KCNQ5: variants seen among roughly 807,000 people sequenced by gnomAD.
KCNQ5 encodes potassium voltage-gated channel subfamily KQT member 5.
Under a neutral mutation model 98.2 loss-of-function variants are expected in KCNQ5, and 30 were observed. The ratio of observed to expected loss-of-function variants is 0.31; its 90% confidence interval spans 0.23 to 0.41. The LOEUF (loss-of-function observed/expected upper bound fraction) is 0.41. KCNQ5 is among the 10% of genes least tolerant of loss of function. The probability of loss-of-function intolerance (pLI) is 1.00; values close to 1 mark genes in which losing one functional copy is unlikely to be tolerated. For missense variants in KCNQ5, 835 were observed against 1,182.5 expected (o/e 0.71, Z 4.31); for synonymous variants, 458 against 449.4 (o/e 1.02, Z -0.24).
intron 1 of KCNQ5, among the ~76,000 whole-genome samples, chr6:72,670,491 T>A (rs1341935914): frequency 6.6e-6 from 1 of 152,188 alleles, no homozygotes; most frequent in East Asian, 1.9e-4. Context: ...TTTTAGGTAC[T>A]TTTTTACAGC....
At chr6:72,871,488 C>T (rs1166335886) in intron 1 of KCNQ5, among the ~76,000 whole-genome samples, 8 of 152,080 alleles carry the variant, frequency 5.3e-5, no homozygotes, top group Non-Finnish European at 1.2e-4. Flanking sequence ...AATAAACAAA[C>T]GTGCTTTGGA....
chr6:72,655,037 T>C (rs9359001), intron 1 of KCNQ5, among the ~76,000 whole-genome samples: 9,048 of 125,874 alleles, frequency 0.072, 543 homozygotes, highest in African/African-American at 0.14. Flanking sequence ...TCTTTCTTTC[T>C]TTCTTTCTTT....
intron 10 of KCNQ5, among the ~76,000 whole-genome samples, chr6:73,139,429 T>G (rs1300531825): frequency 1.3e-5 from 2 of 152,200 alleles, no homozygotes; most frequent in African/African-American, 4.8e-5. Context: ...CAACTTTCCA[T>G]AGTATAATAT....
At chr6:72,937,039 A>C (rs1765956869) in intron 1 of KCNQ5, among the ~76,000 whole-genome samples, 1 of 152,246 alleles carries the variant, frequency 6.6e-6, no homozygotes. Context: ...GAGTACAAAC[A>C]AAATAGCTAA....
chr6:73,182,868 A>T (rs1778449047), intron 11 of KCNQ5, among the ~76,000 whole-genome samples: 1 of 152,246 alleles, frequency 6.6e-6, no homozygotes, highest in African/African-American at 2.4e-5. Flanking sequence ...ACTGATGTAT[A>T]TATCCTACAA....
chr6:72,996,053 C>T (rs1000383058), intron 1 of KCNQ5, among the ~76,000 whole-genome samples: 1 of 152,218 alleles, frequency 6.6e-6, no homozygotes, highest in African/African-American at 2.4e-5. Context: ...TTTGTCTTCC[C>T]ATTTAACTGA....
intron 1 of KCNQ5, among the ~76,000 whole-genome samples, chr6:72,852,353 C>T (rs1486316442): frequency 6.6e-6 from 1 of 151,706 alleles, no homozygotes; most frequent in East Asian, 1.9e-4. Context: ...AATATAGAAT[C>T]AACCTATGTG....
chr6:72,845,373 T>A (rs1776975533), intron 1 of KCNQ5, among the ~76,000 whole-genome samples: 1 of 152,168 alleles, frequency 6.6e-6, no homozygotes, highest in Non-Finnish European at 1.5e-5. Context: ...GTAGAAGAGA[T>A]CTTTTTAGAA....
intron 1 of KCNQ5, among the ~76,000 whole-genome samples, chr6:72,705,682 G>A (rs936705178): frequency 6.6e-6 from 1 of 150,856 alleles, no homozygotes; most frequent in Non-Finnish European, 1.5e-5. Flanking sequence ...GTAGGATTTT[G>A]TGGTCCCTTT....
At chr6:72,706,556 A>T in intron 1 of KCNQ5, among the ~76,000 whole-genome samples, 2 of 152,070 alleles carry the variant, frequency 1.3e-5, no homozygotes, top group East Asian at 3.8e-4. Flanking sequence ...GTTTCTTATT[A>T]TTCCCATGCC....
Position 72,773,335 on chromosome 6 carries a change from C to T in KCNQ5, c.398+150748C>T, listed in dbSNP as rs533772882. Among the ~76,000 whole-genome samples, 27 of 152,228 alleles carry T rather than the reference C, an allele frequency of 1.8e-4. 2 individuals are homozygous for T. The highest frequency in any genetic ancestry group is 6.5e-4 in the African/African-American group (27 of 41,534). On this transcript the variant is annotated intron_variant, in intron 1 of 13. Coordinates refer to ENST00000370398, the MANE Select transcript of KCNQ5 (RefSeq NM_019842.4). ...GATGAGTTCATGTCCTGTGCAGGGA[C>T]ATGGATGAAGCTGGAAACCATCATT...
chr6:72,926,644 A>G (rs1187610963), intron 1 of KCNQ5, among the ~76,000 whole-genome samples: 3 of 152,162 alleles, frequency 2.0e-5, no homozygotes, highest in Non-Finnish European at 4.4e-5. Flanking sequence ...TCCTCTTTAT[A>G]TAATATTTCT....
chr6:72,748,351 C>A (rs1771507493), intron 1 of KCNQ5, among the ~76,000 whole-genome samples: 1 of 152,028 alleles, frequency 6.6e-6, no homozygotes, highest in Non-Finnish European at 1.5e-5. Context: ...GTTCTTTTTA[C>A]TCAAAAAGTA....
intron 1 of KCNQ5, among the ~76,000 whole-genome samples, chr6:72,941,477 TC>T: frequency 5.6e-5 from 7 of 125,088 alleles, no homozygotes; most frequent in African/African-American, 2.2e-4. Context: ...CTTCCCTCCT[TC>T]CCTCCCTCCC....
chr6:72,992,778 G>A (rs1305467989), intron 1 of KCNQ5, among the ~76,000 whole-genome samples: 148 of 110,134 alleles, frequency 1.3e-3, no homozygotes, highest in Non-Finnish European at 2.2e-3. Context: ...ATTTTGGCAT[G>A]ATTTTGCAGC....
chr6:73,098,771 A>G (rs997146932), intron 5 of KCNQ5, among the ~76,000 whole-genome samples: 2 of 152,220 alleles, frequency 1.3e-5, no homozygotes, highest in East Asian at 1.9e-4. Flanking sequence ...TTAGTTTGAA[A>G]GAAAAAAGGC....
chr6:72,756,833 A>G (rs1771994664), intron 1 of KCNQ5, among the ~76,000 whole-genome samples: 1 of 152,106 alleles, frequency 6.6e-6, no homozygotes, highest in African/African-American at 2.4e-5. Flanking sequence ...CCCTATTTAT[A>G]TATATACAAA....
intron 1 of KCNQ5, among the ~76,000 whole-genome samples, chr6:72,718,770 A>G (rs1769797072): frequency 1.3e-5 from 2 of 152,054 alleles, no homozygotes; most frequent in South Asian, 4.1e-4. Context: ...TTATGGTCTT[A>G]TTTGAAATAC....
intron 1 of KCNQ5, among the ~76,000 whole-genome samples, chr6:72,912,225 T>C (rs1168470355): frequency 6.6e-6 from 1 of 152,190 alleles, no homozygotes; most frequent in African/African-American, 2.4e-5. Context: ...GAGGGCATTA[T>C]GTGTGGTGGT....
Sources: allele counts gnomAD v4.1 joint callset (sites outside exome capture counted in the v4.1 genomes callset), GRCh38; gene constraint gnomAD v4.1.1; transcripts MANE v1.5; gene names NCBI Gene and HGNC (gene_info 2026-07-23, HGNC 2026-07-21).